The following KCNH1 variants were observed in gnomAD, a reference collection of about 807,000 sequenced individuals.
KCNH1 encodes the protein voltage-gated delayed rectifier potassium channel KCNH1.
KCNH1 carries 27 observed loss-of-function variants against 69.2 expected under a neutral mutation model. The ratio of observed to expected loss-of-function variants is 0.39; its 90% CI spans 0.29 to 0.54. The LOEUF is 0.54. Ranked by LOEUF, KCNH1 falls within the 20% of genes least tolerant of loss-of-function variation. KCNH1 has a pLI of 0.68. For synonymous variants in KCNH1, 456 were observed against 487.7 expected, an observed-to-expected ratio of 0.93 and a Z score of 0.86; for missense variants, 798 against 1,261.6, an observed-to-expected ratio of 0.63 and a Z score of 5.57.
chr1:210,786,708 A>T (rs891357283), intron 9 of KCNH1, among the ~76,000 whole-genome samples: 17 of 152,072 alleles, frequency 1.1e-4, no homozygotes, highest in Non-Finnish European at 1.6e-4. Context: ...ACTCAGCTCA[A>T]ACCCACAGAT....
At chr1:210,894,112 C>T (rs1686808725) in intron 7 of KCNH1, among the ~76,000 whole-genome samples, 1 of 152,088 alleles carries the variant, frequency 6.6e-6, no homozygotes, top group African/African-American at 2.4e-5. Flanking sequence ...TCTTTCTTTG[C>T]TTAATTGGTC....
intron 6 of KCNH1, among the ~76,000 whole-genome samples, chr1:210,994,687 C>A (rs556430713): frequency 1.3e-5 from 2 of 152,258 alleles, no homozygotes; most frequent in African/African-American, 4.8e-5. Flanking sequence ...GGCCAGGGGT[C>A]AGTCTAAACT....
At chr1:210,891,299 C>A (rs903736052) in intron 7 of KCNH1, among the ~76,000 whole-genome samples, 9 of 152,088 alleles carry the variant, frequency 5.9e-5, no homozygotes, top group Non-Finnish European at 8.8e-5. Context: ...GACAGAAAAC[C>A]AAATACCACA....
chr1:210,994,058 T>TA (rs1558558588), intron 6 of KCNH1, among the ~76,000 whole-genome samples: 1 of 152,228 alleles, frequency 6.6e-6, no homozygotes, highest in East Asian at 1.9e-4. Context: ...TAAAATGTAA[T>TA]AAAAAAATTA....
At chr1:210,981,436 A>C (rs1343883672) in intron 6 of KCNH1, among the ~76,000 whole-genome samples, 3 of 151,272 alleles carry the variant, frequency 2.0e-5, no homozygotes, top group Non-Finnish European at 4.4e-5. Flanking sequence ...GAAAATTACC[A>C]ACATGAAAAA....
chr1:211,014,431 C>T (rs559628936), intron 6 of KCNH1, among the ~76,000 whole-genome samples: 1 of 152,114 alleles, frequency 6.6e-6, no homozygotes, highest in Non-Finnish European at 1.5e-5. Flanking sequence ...ACCAACAGAC[C>T]GGAGAATGAC....
At position 210,870,081 on chromosome 1, in the gene KCNH1, A is replaced by G. The variant is rs72757544; in HGVS notation, c.1462+49559T>C. On this transcript the variant is annotated intron_variant, in intron 7 of 10. Coordinates refer to ENST00000271751, the MANE Select transcript of KCNH1 (RefSeq NM_172362.3). ...AAGTATCTCCAGGCAGAAAGTTGGT[A>G]TTATCATAGGTCTTATCTCATTTGT... Among the ~76,000 whole-genome samples the G allele has an allele frequency of 5.6e-3, 852 of 152,228 alleles. 8 individuals are homozygous for G. Among genetic ancestry groups the G allele is most frequent in the Non-Finnish European group, 9.8e-3 (668 of 68,014 alleles).
chr1:211,011,715 A>T (rs6540646), intron 6 of KCNH1, among the ~76,000 whole-genome samples: 10,080 of 151,928 alleles, frequency 0.066, 875 homozygotes, highest in African/African-American at 0.2. Context: ...TCCCCTAGCC[A>T]CTCCCCAGCT....
At chr1:210,974,449 T>A (rs1574371880) in intron 6 of KCNH1, among the ~76,000 whole-genome samples, 1 of 152,274 alleles carries the variant, frequency 6.6e-6, no homozygotes, top group East Asian at 1.9e-4. Context: ...AGGAGCTTTG[T>A]GTCTTTGCTA....
chr1:210,971,366 T>C (rs1289262771), intron 6 of KCNH1, among the ~76,000 whole-genome samples: 1 of 152,184 alleles, frequency 6.6e-6, no homozygotes, highest in African/African-American at 2.4e-5. Flanking sequence ...TTGAGTCCAT[T>C]CACACTAGCT....
intron 10 of KCNH1, among the ~76,000 whole-genome samples, chr1:210,686,781 C>T (rs1681417889): frequency 6.6e-6 from 1 of 152,146 alleles, no homozygotes; most frequent in Admixed American, 6.5e-5. Context: ...ACAAACATAT[C>T]TTATCCCCCT....
chr1:210,932,103 A>T (rs557403408), intron 6 of KCNH1, among the ~76,000 whole-genome samples: 1 of 152,190 alleles, frequency 6.6e-6, no homozygotes, highest in African/African-American at 2.4e-5. Context: ...AGATATGGAC[A>T]TCCACCCAGA....
intron 10 of KCNH1, among the ~76,000 whole-genome samples, chr1:210,762,722 C>T (rs927622802): frequency 1.1e-4 from 17 of 151,882 alleles, no homozygotes; most frequent in African/African-American, 3.9e-4. Flanking sequence ...GGAATTGAAC[C>T]AGTAATAAAA....
At chr1:211,079,468 G>A (rs571989713) in intron 5 of KCNH1, among the ~76,000 whole-genome samples, 3 of 152,234 alleles carry the variant, frequency 2.0e-5, no homozygotes, top group South Asian at 2.1e-4. Context: ...CTCATTTTAC[G>A]AGGCCAGCAT....
chr1:210,783,898 T>C (rs141571781), intron 9 of KCNH1, among the ~76,000 whole-genome samples: 6 of 152,362 alleles, frequency 3.9e-5, no homozygotes, highest in African/African-American at 1.2e-4. Context: ...ACCTCTGTGA[T>C]AGAGGTATAT....
At chr1:210,701,789 A>G (rs80094866) in intron 10 of KCNH1, among the ~76,000 whole-genome samples, 6,104 of 152,098 alleles carry the variant, frequency 0.04, 194 homozygotes, top group Admixed American at 0.087. Flanking sequence ...TTCTGGGGCC[A>G]TCTGTCCCCT....
chr1:211,100,974 C>A (rs1401765138), intron 3 of KCNH1, among the ~76,000 whole-genome samples: 1 of 152,090 alleles, frequency 6.6e-6, no homozygotes, highest in African/African-American at 2.4e-5. Context: ...ACTCTCAATG[C>A]TCTCTCTCCG....
intron 6 of KCNH1, among the ~76,000 whole-genome samples, chr1:210,969,849 T>C (rs1688479259): frequency 6.6e-6 from 1 of 152,176 alleles, no homozygotes. Flanking sequence ...TTTGATATCT[T>C]AAATTTCCAT....
intron 7 of KCNH1, among the ~76,000 whole-genome samples, chr1:210,906,922 A>G (rs1687114451): frequency 6.6e-6 from 1 of 152,246 alleles, no homozygotes; most frequent in Admixed American, 6.5e-5. Flanking sequence ...TGGATAGATT[A>G]AATACCAAGA....
Sources: allele counts gnomAD v4.1 joint callset (sites outside exome capture counted in the v4.1 genomes callset), GRCh38; gene constraint gnomAD v4.1.1; transcripts MANE v1.5; gene names NCBI Gene and HGNC (gene_info 2026-07-23, HGNC 2026-07-21).